Variants in NF2 observed in about 807,000 individuals in gnomAD.
NF2 encodes NF2, moesin-ezrin-radixin like (MERLIN) tumor suppressor.
Under a neutral mutation model 83.7 loss-of-function variants are expected in NF2, and 8 were observed. The ratio of observed to expected loss-of-function variants is 0.10; its 90% CI spans 0.06 to 0.17. NF2 has a LOEUF of 0.17. Ranked by LOEUF, NF2 falls within the 10% of genes least tolerant of loss-of-function variation. The pLI, the probability that NF2 is intolerant of heterozygous loss-of-function variation, is 1.00. For missense variants in NF2, 533 were observed against 744.4 expected (o/e 0.72, Z 3.31); for synonymous variants, 266 against 269.6 (o/e 0.99, Z 0.13).
At chr22:29,649,492 A>G (rs550170676) in intron 4 of NF2, among the ~76,000 whole-genome samples, 1 of 152,348 alleles carries the variant, frequency 6.6e-6, no homozygotes, top group South Asian at 2.1e-4. Context: ...GCTTGAGCCC[A>G]GGAGTTCGAG....
intron 1 of NF2, among the ~76,000 whole-genome samples, chr22:29,615,267 G>A (rs1047459938): frequency 1.2e-4 from 18 of 152,150 alleles, no homozygotes; most frequent in African/African-American, 4.3e-4. Flanking sequence ...AAATGGTGCA[G>A]CCAGTTTGAA....
Position 29,603,983 on chromosome 22 carries a change from G to C in NF2, c.-16G>C. The C allele has an allele frequency of 6.4e-7, 1 of 1,558,682 alleles. No homozygotes were observed. Among genetic ancestry groups the C allele is most frequent in the Non-Finnish European group, 8.7e-7 (1 of 1,149,688 alleles). ...AGGCCGTGGGGCGCGAGGGTCCCGG[G>C]CCTGAGCCCCGCGCCATGGCCGGGG... On this transcript the variant is annotated 5_prime_UTR_variant, in exon 1 of 16. Coordinates refer to ENST00000338641, the MANE Select transcript of NF2 (RefSeq NM_000268.4).
intron 9 of NF2, among the ~76,000 whole-genome samples, chr22:29,667,932 G>A (rs984131462): frequency 6.6e-6 from 1 of 152,094 alleles, no homozygotes; most frequent in Non-Finnish European, 1.5e-5. Flanking sequence ...TGATTTTTGT[G>A]TAAGGTGTAA....
At position 29,685,569 on chromosome 22, in the gene NF2, G is replaced by A. The variant is rs555462220; in HGVS notation, c.1737+3968G>A. 2.0e-5 allele frequency among the ~76,000 whole-genome samples: 3 copies of A among 150,526 alleles called. No homozygotes were observed. The East Asian group carries it at 5.9e-4, about 30-fold the overall frequency. On this transcript the variant is annotated intron_variant, in intron 15 of 15. Coordinates refer to ENST00000338641, the MANE Select transcript of NF2 (RefSeq NM_000268.4). ...ACTACAGGCATTTGCCACCATGCCT[G>A]ACTGATTTTTTTATTTTTATTTTTG... is the stretch of plus-strand genomic sequence containing the variant.
Position 29,603,669 on chromosome 22 carries a change from T to G in NF2, c.-330T>G, listed in dbSNP as rs554177413. Reference sequence around the variant, plus strand: ...CGGCCGCTGAGAGGCGCGCGGAGTCTGGGCCGCTGCCGTCTAGGGGTCCCG... The same window carrying G: ...CGGCCGCTGAGAGGCGCGCGGAGTCGGGGCCGCTGCCGTCTAGGGGTCCCG... On this transcript the variant is annotated 5_prime_UTR_variant, in exon 1 of 16. Coordinates refer to ENST00000338641, the MANE Select transcript of NF2 (RefSeq NM_000268.4). 2 of 414,898 alleles carry G rather than the reference T, an allele frequency of 4.8e-6. 1 individual carries two copies. The highest frequency in any genetic ancestry group is 1.8e-4 in the South Asian group (2 of 11,410). The allele number at this position is 414,898 out of a possible 1,614,324, so 25.7% of individuals were successfully genotyped here. A position where few individuals can be genotyped will look rare whatever the true frequency, so the allele number is the denominator to read the frequency against.
At position 29,647,713 on chromosome 22, in the gene NF2, T is replaced by A. The variant is rs116898882; in HGVS notation, c.447+5428T>A. Among the ~76,000 whole-genome samples, 969 of 152,322 alleles carry A rather than the reference T, an allele frequency of 6.4e-3. 6 individuals carry two copies. Among genetic ancestry groups the A allele is most frequent in the Non-Finnish European group, 0.011 (726 of 68,026 alleles). ...ATGGTATTTTTCTTCCCACTCAGCA[T>A]CTACTTTGAGATGTATCCATGTTGT... On this transcript the variant is annotated intron_variant, in intron 4 of 15. Coordinates refer to ENST00000338641, the MANE Select transcript of NF2 (RefSeq NM_000268.4).
At chr22:29,616,516 G>A (rs997130984) in intron 1 of NF2, among the ~76,000 whole-genome samples, 2 of 152,172 alleles carry the variant, frequency 1.3e-5, no homozygotes, top group African/African-American at 2.4e-5. Context: ...AGGCCGAGGT[G>A]GACGGATGAC....
At chr22:29,650,498 C>G (rs971297299) in intron 4 of NF2, among the ~76,000 whole-genome samples, 2 of 152,236 alleles carry the variant, frequency 1.3e-5, no homozygotes, top group Non-Finnish European at 1.5e-5. Context: ...GACTTGCCTA[C>G]TACTGTATTG....
Position 29,673,292 on chromosome 22 carries a change from C to T in NF2, c.1146C>T (p.Asp382=), listed in dbSNP as rs1244979580. 6.3e-7 allele frequency: 1 copy of T among 1,582,928 alleles called. No homozygotes were observed. The highest frequency in any genetic ancestry group is 8.6e-7 in the Non-Finnish European group (1 of 1,164,886). The change falls in exon 12 of 16, where the codon GAC becomes GAT. Residue 382 remains aspartate, a synonymous_variant. Coordinates refer to ENST00000338641, the MANE Select transcript of NF2 (RefSeq NM_000268.4). ...EALMRSEETA[D]LLAEKAQITE... ...AGATGCGGTCTGAGGAGACAGCTGA[C>T]CTGTTGGCTGAAAAGGCCCAGATCA...
chr22:29,604,180 A>G, intron 1 of NF2, 68 bp downstream of exon 1: 1 of 1,255,988 alleles, frequency 8.0e-7, no homozygotes, highest in South Asian at 1.3e-5. Flanking sequence ...TTCTCTTTAT[A>G]TCATCTTATG....
intron 15 of NF2, among the ~76,000 whole-genome samples, chr22:29,688,877 G>T (rs1359535668): frequency 6.6e-6 from 1 of 152,218 alleles, no homozygotes; most frequent in Non-Finnish European, 1.5e-5. Flanking sequence ...TCCCTAGCCA[G>T]ACTGCAGAAA....
intron 12 of NF2, among the ~76,000 whole-genome samples, chr22:29,673,862 T>A (rs1334393812): frequency 1.3e-5 from 2 of 152,224 alleles, no homozygotes; most frequent in African/African-American, 2.4e-5. Flanking sequence ...CTTTTCTGCT[T>A]TCATTCAGTG....
intron 11 of NF2, among the ~76,000 whole-genome samples, chr22:29,672,981 A>G (rs1489976579): frequency 6.6e-6 from 1 of 152,218 alleles, no homozygotes; most frequent in Non-Finnish European, 1.5e-5. Flanking sequence ...ATTTAAAGGG[A>G]AAGAACAGAG....
At chr22:29,606,836 G>A (rs1291372238) in intron 1 of NF2, among the ~76,000 whole-genome samples, 3 of 152,140 alleles carry the variant, frequency 2.0e-5, no homozygotes, top group Non-Finnish European at 2.9e-5. Flanking sequence ...ATCTGAGGTC[G>A]GGAGTTTGAG....
At chr22:29,680,939 C>A (rs1305590450) in intron 14 of NF2, among the ~76,000 whole-genome samples, 1 of 137,980 alleles carries the variant, frequency 7.2e-6, no homozygotes, top group African/African-American at 2.5e-5. Flanking sequence ...AAGCTTGTTT[C>A]ACGTATGTTT....
intron 3 of NF2, 54 bp from the exon 4 acceptor site, chr22:29,642,148 A>G: frequency 7.1e-7 from 1 of 1,413,882 alleles, no homozygotes; most frequent in South Asian, 1.2e-5. Context: ...TGATCAGCCT[A>G]CACACCTCAC....
rs150347258 is a variant in NF2, at chr22:29,671,773, C to T, written c.1000-53C>T. Reference sequence around the variant, plus strand: ...GGGGCATCTTTGGGCCCTTGTGGCACCCTAGGTCTCGAGCCCTGTGATTCA... The same window carrying T: ...GGGGCATCTTTGGGCCCTTGTGGCATCCTAGGTCTCGAGCCCTGTGATTCA... On this transcript the variant is annotated intron_variant, in intron 10 of 15. Coordinates refer to ENST00000338641, the MANE Select transcript of NF2 (RefSeq NM_000268.4). 400 of 1,611,760 alleles carry T rather than the reference C, an allele frequency of 2.5e-4. 3 individuals carry two copies. The African/African-American group carries it at 4.3e-3, about 17-fold the overall frequency.
rs1178488286 is a variant in NF2, at chr22:29,678,315, G to T, written c.1566G>T (p.Glu522Asp). Residue 522 changes from glutamate (E) to aspartate (D), a missense_variant, in exon 14 of 16, where the codon GAG (glutamate) becomes GAT (aspartate). Physicochemically the swap from Glu to Asp is conservative, Grantham distance 45. This residue lies in a region of NF2 where 199 missense variants were observed against 240.7 expected (regional missense o/e 0.83). Transcript: ENST00000338641. ...TDMKRLSMEI[E>D]KEKVEYMEKS... is the part of the protein sequence containing the mutation. ...TGAAGCGGCTTTCCATGGAGATAGA[G>T]AAAGAAAAGTATGTAGCCCCCTGTG... 1.9e-6 allele frequency: 3 copies of T among 1,613,840 alleles called. No homozygotes were observed. The highest frequency in any genetic ancestry group is 2.2e-5 in the South Asian group (2 of 91,058).
intron 1 of NF2, among the ~76,000 whole-genome samples, chr22:29,616,052 A>C (rs1166790973): frequency 1.3e-5 from 2 of 152,204 alleles, no homozygotes; most frequent in Non-Finnish European, 2.9e-5. Context: ...ACACTATGCT[A>C]TGTGAAAGAA....
Sources: allele counts gnomAD v4.1 joint callset (sites outside exome capture counted in the v4.1 genomes callset), GRCh38; gene constraint gnomAD v4.1.1; regional missense constraint gnomAD v4.1.1; transcripts MANE v1.5; gene names NCBI Gene and HGNC (gene_info 2026-07-23, HGNC 2026-07-21).